ANKH: variants seen among roughly 807,000 people sequenced by gnomAD.
ANKH encodes mineralization regulator ANKH.
In ANKH, 15 loss-of-function variants were observed where a neutral mutation model predicts 49.0. The observed-to-expected ratio is 0.31, with a 90% CI of 0.20 to 0.47. The LOEUF is 0.47. ANKH is among the 20% of genes least tolerant of loss of function. ANKH has a pLI of 1.00. For missense variants in ANKH, 429 were observed against 652.0 expected (o/e 0.66, Z 3.72); for synonymous variants, 273 against 260.0 (o/e 1.05, Z -0.48).
At chr5:14,757,841 G>GGTAT (rs923486580) in intron 3 of ANKH, among the ~76,000 whole-genome samples, 1 of 152,106 alleles carries the variant, frequency 6.6e-6, no homozygotes, top group African/African-American at 2.4e-5. Flanking sequence ...CTCTGATGGT[G>GGTAT]GTATAGCTGC....
At position 14,712,912 on chromosome 5, in the gene ANKH, T is replaced by C; in HGVS notation, c.1327A>G (p.Met443Val). 1 of 1,613,324 alleles carries C rather than the reference T, an allele frequency of 6.2e-7. No homozygotes were observed. The highest frequency in any genetic ancestry group is 8.5e-7 in the Non-Finnish European group (1 of 1,179,826). ...ACATAGCACGCAGCGATGGCGACCA[T>C]GGTGGATTCTCCCACAAAGCCCGCC... is the stretch of plus-strand genomic sequence containing the variant. ...LLAGFVGEST[M>V]VAIAACYVYR... is the part of the protein sequence containing the mutation. The change falls in exon 11 of 12, where the codon ATG becomes GTG. Residue 443 changes from methionine to valine, a missense_variant. By Grantham distance (21) the Met-to-Val change is conservative (BLOSUM62 1). Coordinates refer to ENST00000284268, the MANE Select transcript of ANKH (RefSeq NM_054027.6).
At chr5:14,802,055 T>C (rs1039321634) in intron 1 of ANKH, among the ~76,000 whole-genome samples, 2 of 152,280 alleles carry the variant, frequency 1.3e-5, no homozygotes, top group Admixed American at 6.5e-5. Context: ...CCTTTCTTCC[T>C]GTCGACAGTG....
rs773296289 is a variant in ANKH at position 14,871,492 on chromosome 5, G to A, written c.-45C>T. The A allele has an allele frequency of 2.6e-6, 4 of 1,530,150 alleles. No homozygotes were observed. The highest frequency in any genetic ancestry group is 3.6e-6 in the Non-Finnish European group (4 of 1,115,046). 94.8% of individuals were successfully genotyped at this position (1,530,150 alleles called of 1,614,324 possible). ...CCCCACACACATCTGCTGCCGCGAG[G>A]GGACTCTGCGGGGAGGCGAGGGGCG... is the stretch of plus-strand genomic sequence containing the variant. On this transcript the variant is annotated 5_prime_UTR_variant, in exon 1 of 12. Transcript: ENST00000284268.
At chr5:14,858,519 A>T (rs574451948) in intron 1 of ANKH, among the ~76,000 whole-genome samples, 1 of 152,076 alleles carries the variant, frequency 6.6e-6, no homozygotes, top group East Asian at 1.9e-4. Flanking sequence ...AGTTTGAGAT[A>T]AGCCTGGCCA....
chr5:14,819,938 C>CACACAT (rs1218419508), intron 1 of ANKH, among the ~76,000 whole-genome samples: 3 of 147,476 alleles, frequency 2.0e-5, no homozygotes, highest in African/African-American at 7.5e-5. Context: ...CACACACACA[C>CACACAT]ATTAAGCCTA....
intron 1 of ANKH, among the ~76,000 whole-genome samples, chr5:14,845,974 G>C (rs533040148): frequency 6.8e-6 from 1 of 146,468 alleles, no homozygotes; most frequent in South Asian, 2.1e-4. Context: ...TCCTGCCTTA[G>C]CCTCCCAAAT....
At chr5:14,735,796 C>A (rs1239613039) in intron 8 of ANKH, among the ~76,000 whole-genome samples, 6 of 152,126 alleles carry the variant, frequency 3.9e-5, no homozygotes, top group Non-Finnish European at 7.3e-5. Context: ...TACTCACCTA[C>A]CAGAACCTCA....
intron 1 of ANKH, chr5:14,797,113 A>G: frequency 7.4e-7 from 1 of 1,353,784 alleles, no homozygotes; most frequent in Non-Finnish European, 1.0e-6. Flanking sequence ...CACAAGAAGT[A>G]AAGACATATT....
chr5:14,724,481 C>A (rs770742049), intron 8 of ANKH: 4 of 896,226 alleles, frequency 4.5e-6, no homozygotes, highest in Non-Finnish European at 5.3e-6. Flanking sequence ...TATTAAGGTC[C>A]CCCAATAGGA....
intron 1 of ANKH, among the ~76,000 whole-genome samples, chr5:14,839,541 CT>C (rs756000237): frequency 9.7e-4 from 144 of 148,870 alleles, no homozygotes; most frequent in Non-Finnish European, 1.6e-3. Context: ...AGATTCCTTT[CT>C]TTCGTCTTCA....
At position 14,708,553 on chromosome 5, in the gene ANKH, C is replaced by G. The variant is rs886060076; in HGVS notation, c.*2644G>C. The G allele has an allele frequency of 6.6e-6, 1 of 152,230 alleles. No individual in the cohort carries two copies. The highest frequency in any genetic ancestry group is 2.1e-4 in the South Asian group (1 of 4,830). The allele number at this position is 152,230 out of a possible 1,614,324, so 9.4% of individuals were successfully genotyped here. A position where few individuals can be genotyped will look rare whatever the true frequency, so the allele number is the denominator to read the frequency against. On this transcript the variant is annotated 3_prime_UTR_variant, in exon 12 of 12. Coordinates refer to ENST00000284268, the MANE Select transcript of ANKH (RefSeq NM_054027.6). The stretch of plus-strand genomic sequence containing the variant: ...AAGGTCACCCTCCCTGGTTTGATCT[C>G]TCATGTCTAGCTGGATGATGGGACT...
intron 1 of ANKH, among the ~76,000 whole-genome samples, chr5:14,839,098 T>G (rs1741744186): frequency 6.6e-6 from 1 of 152,190 alleles, no homozygotes; most frequent in Admixed American, 6.5e-5. Flanking sequence ...CTGAGCCTTG[T>G]GCCATGTTAG....
chr5:14,771,293 A>G (rs1265299390), intron 1 of ANKH, among the ~76,000 whole-genome samples: 1 of 152,242 alleles, frequency 6.6e-6, no homozygotes, highest in Non-Finnish European at 1.5e-5. Flanking sequence ...AGTGTATGGC[A>G]GACACATCTG....
At chr5:14,724,351 C>A (rs1737759945) in intron 8 of ANKH, among the ~76,000 whole-genome samples, 2 of 151,990 alleles carry the variant, frequency 1.3e-5, no homozygotes, top group East Asian at 1.9e-4. Flanking sequence ...ACATAAAAAA[C>A]CCCAAAACAT....
At chr5:14,797,765 C>T in intron 1 of ANKH, 4 of 1,611,118 alleles carry the variant, frequency 2.5e-6, no homozygotes, top group Non-Finnish European at 3.4e-6. Flanking sequence ...CTTTTCCCTC[C>T]TTTGGAACGG....
chr5:14,729,874 C>T (rs760730736), intron 8 of ANKH, among the ~76,000 whole-genome samples: 1 of 152,192 alleles, frequency 6.6e-6, no homozygotes, highest in Non-Finnish European at 1.5e-5. Flanking sequence ...TCTCTGATGC[C>T]GCTGCTCTTT....
intron 2 of ANKH, among the ~76,000 whole-genome samples, chr5:14,762,893 C>T (rs1291623763): frequency 6.6e-6 from 1 of 152,006 alleles, no homozygotes; most frequent in Non-Finnish European, 1.5e-5. Context: ...CAGAACATTA[C>T]AAAAAAAATT....
chr5:14,824,873 A>G (rs2126590927), intron 1 of ANKH, among the ~76,000 whole-genome samples: 1 of 152,326 alleles, frequency 6.6e-6, no homozygotes, highest in East Asian at 1.9e-4. Context: ...TTCTCAACTC[A>G]GTGAAAATAA....
chr5:14,804,496 A>G (rs1028326612), intron 1 of ANKH, among the ~76,000 whole-genome samples: 6 of 152,222 alleles, frequency 3.9e-5, no homozygotes, highest in Admixed American at 2.0e-4. Flanking sequence ...ACTGTGTCAA[A>G]GTCCATGACT....
Sources: allele counts gnomAD v4.1 joint callset (sites outside exome capture counted in the v4.1 genomes callset), GRCh38; gene constraint gnomAD v4.1.1; transcripts MANE v1.5; gene names NCBI Gene and HGNC (gene_info 2026-07-23, HGNC 2026-07-21).